Variants in DOCK1 observed in about 807,000 individuals in gnomAD.
DOCK1 encodes the protein dedicator of cytokinesis protein 1.
In DOCK1, 138 loss-of-function variants were observed where a neutral mutation model predicts 262.7. The ratio of observed to expected loss-of-function variants is 0.53; its 90% CI spans 0.46 to 0.61. The LOEUF is 0.61. Among genes scored for constraint, DOCK1 ranks in the 20% least tolerant of loss-of-function variants. The pLI, the probability that DOCK1 is intolerant of heterozygous loss-of-function variation, is 0.00. For missense variants in DOCK1, 1,908 were observed against 2,370.7 expected (o/e 0.80, Z 4.05); for synonymous variants, 866 against 867.4 (o/e 1.00, Z 0.03).
chr10:127,086,521 T>C lies in DOCK1; in HGVS notation c.2446-19710T>C, dbSNP rs993052396. Reference sequence around the variant, plus strand: ...CATGAACATAATTATTGGATGTCATTATAAATAAACCTTTTAAAAGTCACT... The same window carrying C: ...CATGAACATAATTATTGGATGTCATCATAAATAAACCTTTTAAAAGTCACT... On this transcript the variant is annotated intron_variant, in intron 23 of 51. Coordinates refer to ENST00000623213, the MANE Select transcript of DOCK1 (RefSeq NM_001290223.2). Among the ~76,000 whole-genome samples, 3 of 152,284 alleles carry C rather than the reference T, an allele frequency of 2.0e-5. No homozygotes were observed. In the East Asian group the frequency reaches 5.8e-4, roughly 29 times the overall value.
intron 38 of DOCK1, among the ~76,000 whole-genome samples, chr10:127,393,028 C>T (rs912145641): frequency 2.6e-5 from 4 of 152,166 alleles, no homozygotes; most frequent in African/African-American, 7.2e-5. Context: ...CAGGGAGGGC[C>T]GTCAGCATCC....
chr10:127,153,820 A>G (rs764697708), intron 27 of DOCK1: 7 of 1,519,598 alleles, frequency 4.6e-6, no homozygotes. Context: ...CACTCATAAT[A>G]AGAAAGTGGG....
chr10:127,283,789 A>G (rs568151855), intron 29 of DOCK1, among the ~76,000 whole-genome samples: 7 of 152,188 alleles, frequency 4.6e-5, no homozygotes, highest in Non-Finnish European at 1.0e-4. Flanking sequence ...TATCATTTTC[A>G]TAAATTTAGG....
At chr10:127,153,951 C>T (rs760160635) in intron 27 of DOCK1, 9 of 1,580,636 alleles carry the variant, frequency 5.7e-6, no homozygotes, top group Non-Finnish European at 5.2e-6. Context: ...GAGAGCATTA[C>T]AAGCGGTGGC....
chr10:127,274,386 CAG>C (rs1395581358), intron 29 of DOCK1, among the ~76,000 whole-genome samples: 2 of 152,208 alleles, frequency 1.3e-5, no homozygotes, highest in East Asian at 1.9e-4. Flanking sequence ...AACTTTAAAA[CAG>C]AGCACTGCTG....
Position 127,049,731 on chromosome 10 carries a change from AT to A in DOCK1, c.2202-2949del, listed in dbSNP as rs960229220. On this transcript the variant is annotated intron_variant, in intron 21 of 51. Coordinates refer to ENST00000623213, the MANE Select transcript of DOCK1 (RefSeq NM_001290223.2). The stretch of plus-strand genomic sequence containing the variant: ...TTCTGTATGCTTTTGTGAAAAAAAA[AT>A]GGACTAATTTGAATATTTATACTTT... Among the ~76,000 whole-genome samples, 9 of 152,254 alleles carry A rather than the reference AT, an allele frequency of 5.9e-5. No homozygotes were observed. In the South Asian group the frequency reaches 6.2e-4, roughly 11 times the overall value.
intron 29 of DOCK1, among the ~76,000 whole-genome samples, chr10:127,331,321 T>A (rs2062971614): frequency 2.6e-5 from 4 of 152,186 alleles, no homozygotes; most frequent in Non-Finnish European, 4.4e-5. Context: ...TTGCTCTTGT[T>A]ACCCAGGCTG....
At chr10:126,952,904 G>A (rs2036420013) in intron 1 of DOCK1, among the ~76,000 whole-genome samples, 1 of 148,642 alleles carries the variant, frequency 6.7e-6, no homozygotes, top group African/African-American at 2.4e-5. Context: ...GGTGATGGTG[G>A]TGGTGATAGT....
At chr10:127,129,628 G>T (rs2050185839) in intron 27 of DOCK1, among the ~76,000 whole-genome samples, 1 of 152,190 alleles carries the variant, frequency 6.6e-6, no homozygotes, top group Admixed American at 6.5e-5. Flanking sequence ...CCTGACGTCT[G>T]ACGTTCCTGT....
chr10:126,956,587 G>C (rs1277578164), intron 1 of DOCK1, among the ~76,000 whole-genome samples: 2 of 152,194 alleles, frequency 1.3e-5, no homozygotes, highest in Non-Finnish European at 2.9e-5. Flanking sequence ...TCCTCAGCTC[G>C]CACTGGGGCC....
chr10:127,185,550 C>T (rs1191621074), intron 27 of DOCK1, among the ~76,000 whole-genome samples: 2 of 152,126 alleles, frequency 1.3e-5, no homozygotes, highest in East Asian at 3.9e-4. Flanking sequence ...GGGACCTTAG[C>T]TGAGATACAG....
chr10:127,110,789 A>T (rs2048818969), intron 25 of DOCK1, among the ~76,000 whole-genome samples: 1 of 152,236 alleles, frequency 6.6e-6, no homozygotes, highest in Non-Finnish European at 1.5e-5. Context: ...ACTCAAAGTA[A>T]TAAGAATTTC....
intron 27 of DOCK1, among the ~76,000 whole-genome samples, chr10:127,142,528 G>A (rs1387567166): frequency 6.6e-6 from 1 of 152,204 alleles, no homozygotes; most frequent in Non-Finnish European, 1.5e-5. Flanking sequence ...GTCTGAAGCA[G>A]CTGGAGCCAG....
At chr10:127,306,993 A>G (rs2061901154) in intron 29 of DOCK1, among the ~76,000 whole-genome samples, 1 of 152,264 alleles carries the variant, frequency 6.6e-6, no homozygotes, top group South Asian at 2.1e-4. Flanking sequence ...TTTTAGGATT[A>G]AAAGTGAGAT....
chr10:127,108,720 G>A (rs2048690895), intron 24 of DOCK1, among the ~76,000 whole-genome samples: 2 of 152,152 alleles, frequency 1.3e-5, no homozygotes, highest in Admixed American at 1.3e-4. Context: ...TCCCATGCTG[G>A]CCTATCTTTA....
intron 29 of DOCK1, among the ~76,000 whole-genome samples, chr10:127,264,125 T>C (rs2060273578): frequency 6.6e-6 from 1 of 152,210 alleles, no homozygotes; most frequent in Admixed American, 6.5e-5. Flanking sequence ...ATTGACTACA[T>C]AGCGTGTAAC....
chr10:126,969,848 C>T (rs966174535), intron 1 of DOCK1, among the ~76,000 whole-genome samples: 20 of 152,146 alleles, frequency 1.3e-4, no homozygotes, highest in Non-Finnish European at 1.6e-4. Context: ...TGCCACAATG[C>T]AGGTGCCTTT....
rs138353312 is a variant in DOCK1 at position 127,287,891 on chromosome 10, A to AT, written c.3044+30464dup. ...ATGATGATCATTGACTAGACCCATTATTCCTTTGGAGTTAAAAAAATCCTT... is the reference window on the plus strand; with the variant it reads ...ATGATGATCATTGACTAGACCCATTATTTCCTTTGGAGTTAAAAAAATCCTT... On this transcript the variant is annotated intron_variant, in intron 29 of 51. Coordinates refer to ENST00000623213, the MANE Select transcript of DOCK1 (RefSeq NM_001290223.2). Among the ~76,000 whole-genome samples, 492 of 152,284 alleles carry AT rather than the reference A, an allele frequency of 3.2e-3. 1 individual carries two copies. Among genetic ancestry groups the AT allele is most frequent in the African/African-American group, 0.01 (425 of 41,556 alleles).
chr10:126,969,347 G>A (rs551689689), intron 1 of DOCK1, among the ~76,000 whole-genome samples: 11 of 152,294 alleles, frequency 7.2e-5, no homozygotes, highest in East Asian at 3.9e-4. Context: ...GGCTGCGTGC[G>A]CCTGAAATTC....
Sources: gnomAD v4.1 joint callset for allele counts (sites outside exome capture counted in the v4.1 genomes callset) on GRCh38, gnomAD v4.1.1 for gene constraint, MANE v1.5 for transcripts, NCBI Gene and HGNC (gene_info 2026-07-23, HGNC 2026-07-21) for gene names.